Variants in CNTN5 observed in about 807,000 individuals in gnomAD.
CNTN5 encodes contactin-5.
A neutral mutation model predicts 129.1 loss-of-function variants in CNTN5; 77 were observed. That is an observed-to-expected ratio of 0.60 (90% CI 0.50 to 0.72). The LOEUF (loss-of-function observed/expected upper bound fraction) is 0.72. CNTN5 is among the 30% of genes least tolerant of loss of function. The pLI, the probability that CNTN5 is intolerant of heterozygous loss-of-function variation, is 0.00. For synonymous variants in CNTN5, 509 were observed against 465.6 expected (o/e 1.09, Z -1.20); for missense variants, 1,478 against 1,328.8 (o/e 1.11, Z -1.75).
At position 99,796,043 on chromosome 11, in the gene CNTN5, C is replaced by A. The variant is rs1460234907; in HGVS notation, c.56-23501C>A. On this transcript the variant is annotated intron_variant, in intron 3 of 24. Transcript: ENST00000524871. Reference sequence around the variant, plus strand: ...CAGGTGTGGGGTGTTGGCTTCTATACAGATGTTTGTAGCAGTGATGGTGGC... The same window carrying A: ...CAGGTGTGGGGTGTTGGCTTCTATAAAGATGTTTGTAGCAGTGATGGTGGC... 2.0e-5 allele frequency among the ~76,000 whole-genome samples: 3 copies of A among 152,044 alleles called. No homozygotes were observed. In the East Asian group the frequency reaches 5.8e-4, roughly 29 times the overall value.
At chr11:100,332,261 T>C (rs1719041227) in intron 21 of CNTN5, among the ~76,000 whole-genome samples, 1 of 152,048 alleles carries the variant, frequency 6.6e-6, no homozygotes, top group Admixed American at 6.6e-5. Flanking sequence ...CCTGGAAATA[T>C]GCAACCCTCC....
chr11:100,326,974 A>G (rs1042749904), intron 21 of CNTN5, among the ~76,000 whole-genome samples: 1 of 152,252 alleles, frequency 6.6e-6, no homozygotes, highest in Non-Finnish European at 1.5e-5. Flanking sequence ...AGTGAGATGC[A>G]GAAGTATAGA....
chr11:99,952,763 C>T (rs1245705912), intron 7 of CNTN5, among the ~76,000 whole-genome samples: 1 of 152,060 alleles, frequency 6.6e-6, no homozygotes, highest in African/African-American at 2.4e-5. Flanking sequence ...AACATTAAAT[C>T]TCATATTACA....
chr11:99,999,629 C>A (rs1939719943), intron 8 of CNTN5, among the ~76,000 whole-genome samples: 3 of 152,130 alleles, frequency 2.0e-5, no homozygotes, highest in Admixed American at 1.3e-4. Flanking sequence ...ACTAGAAATA[C>A]CATTTGACCC....
intron 1 of CNTN5, among the ~76,000 whole-genome samples, chr11:99,214,992 A>G (rs1367488854): frequency 6.6e-6 from 1 of 152,060 alleles, no homozygotes; most frequent in Non-Finnish European, 1.5e-5. Flanking sequence ...TCTTTTGGTC[A>G]TAGGTCTAAT....
At chr11:99,734,926 T>C (rs1340766572) in intron 3 of CNTN5, among the ~76,000 whole-genome samples, 1 of 152,214 alleles carries the variant, frequency 6.6e-6, no homozygotes, top group African/African-American at 2.4e-5. Context: ...GAGAATGGCG[T>C]GAAGCCGGGA....
intron 3 of CNTN5, among the ~76,000 whole-genome samples, chr11:99,662,842 A>G (rs1952646416): frequency 6.6e-6 from 1 of 152,214 alleles, no homozygotes; most frequent in African/African-American, 2.4e-5. Context: ...TAGTAACTGC[A>G]TTTTTAAAAA....
At chr11:100,081,139 T>G (rs1182365742) in intron 13 of CNTN5, among the ~76,000 whole-genome samples, 1 of 152,128 alleles carries the variant, frequency 6.6e-6, no homozygotes, top group Non-Finnish European at 1.5e-5. Flanking sequence ...TTCCTTAGAA[T>G]GCTAATTTTT....
chr11:99,131,722 G>T (rs1329262408), intron 1 of CNTN5, among the ~76,000 whole-genome samples: 1 of 152,008 alleles, frequency 6.6e-6, no homozygotes, highest in Non-Finnish European at 1.5e-5. Context: ...TCCCCAAATA[G>T]ACCAATAACA....
chr11:99,633,947 C>T (rs984134982), intron 3 of CNTN5, among the ~76,000 whole-genome samples: 5 of 152,030 alleles, frequency 3.3e-5, no homozygotes, highest in South Asian at 2.1e-4. Context: ...CAGATCAGGT[C>T]GAAGAGAAAC....
chr11:100,177,462 C>T (rs1003136810), intron 13 of CNTN5, among the ~76,000 whole-genome samples: 2 of 152,102 alleles, frequency 1.3e-5, no homozygotes, highest in Non-Finnish European at 2.9e-5. Context: ...AAGCCATCTA[C>T]AGTACCTGGA....
chr11:99,878,373 A>G (rs766706987), intron 6 of CNTN5, among the ~76,000 whole-genome samples: 3 of 152,198 alleles, frequency 2.0e-5, no homozygotes, highest in Non-Finnish European at 4.4e-5. Flanking sequence ...GGCATGTGAG[A>G]GAAGGACTGA....
intron 18 of CNTN5, among the ~76,000 whole-genome samples, chr11:100,289,706 G>A (rs1165786240): frequency 6.6e-6 from 1 of 150,818 alleles, no homozygotes. Context: ...GCACAAGACA[G>A]GGATGCCCTC....
chr11:100,043,711 A>C (rs1942496800), intron 9 of CNTN5, among the ~76,000 whole-genome samples: 1 of 151,984 alleles, frequency 6.6e-6, no homozygotes, highest in African/African-American at 2.4e-5. Context: ...TCATCCTTCA[A>C]GCTCACCTCA....
At chr11:99,694,462 T>A (rs1954175244) in intron 3 of CNTN5, among the ~76,000 whole-genome samples, 1 of 152,124 alleles carries the variant, frequency 6.6e-6, no homozygotes, top group African/African-American at 2.4e-5. Flanking sequence ...CCAAGCACAG[T>A]CTTCAAGTAA....
chr11:99,738,209 G>A (rs1943773216), intron 3 of CNTN5, among the ~76,000 whole-genome samples: 1 of 152,108 alleles, frequency 6.6e-6, no homozygotes, highest in Non-Finnish European at 1.5e-5. Flanking sequence ...TGATGATTAA[G>A]ATGAGGTCAT....
Position 99,240,318 on chromosome 11 carries a change from T to C in CNTN5, c.-209-85028T>C, listed in dbSNP as rs115913757. Among the ~76,000 whole-genome samples, 479 of 152,028 alleles carry C rather than the reference T, an allele frequency of 3.2e-3. 1 individual carries two copies. The highest frequency in any genetic ancestry group is 0.011 in the African/African-American group (471 of 41,454). ...AGTGTGTGCAAGGGAGAGTGAACAGTAGGAAAAAGTAGAGAACGGGCATTA... is the reference window on the plus strand; with the variant it reads ...AGTGTGTGCAAGGGAGAGTGAACAGCAGGAAAAAGTAGAGAACGGGCATTA... On this transcript the variant is annotated intron_variant, in intron 1 of 24. Coordinates refer to ENST00000524871, the MANE Select transcript of CNTN5 (RefSeq NM_014361.4).
At chr11:99,975,247 T>G (rs887995546) in intron 8 of CNTN5, among the ~76,000 whole-genome samples, 91 of 152,184 alleles carry the variant, frequency 6.0e-4, no homozygotes, top group African/African-American at 2.1e-3. Context: ...AGCAGCATGC[T>G]CTGGATGTGA....
At chr11:99,253,897 T>TTTTATATAAAGATATA (rs376157994) in intron 1 of CNTN5, among the ~76,000 whole-genome samples, 2 of 139,062 alleles carry the variant, frequency 1.4e-5, no homozygotes, top group African/African-American at 5.3e-5. Context: ...AAATATACGT[T>TTTTATATAAAGATATA]TATATATATA....
Sources: gnomAD v4.1 joint callset for allele counts (sites outside exome capture counted in the v4.1 genomes callset) on GRCh38, gnomAD v4.1.1 for gene constraint, MANE v1.5 for transcripts, NCBI Gene and HGNC (gene_info 2026-07-23, HGNC 2026-07-21) for gene names.